The following TMEM132C variants were observed in gnomAD, a reference collection of about 807,000 sequenced individuals.
TMEM132C encodes the protein protein phosphatase 1, regulatory subunit 152.
Under a neutral mutation model 61.4 loss-of-function variants are expected in TMEM132C, and 29 were observed. That is an observed-to-expected ratio of 0.47 (90% CI 0.35 to 0.64). The LOEUF (loss-of-function observed/expected upper bound fraction) is 0.64. Ranked by LOEUF, TMEM132C falls within the 30% of genes least tolerant of loss-of-function variation. TMEM132C has a pLI of 0.00. For synonymous variants in TMEM132C, 656 were observed against 633.1 expected (o/e 1.04, Z -0.54); for missense variants, 1,408 against 1,476.9 (o/e 0.95, Z 0.76).
At chr12:128,567,073 A>C (rs2136167908) in intron 3 of TMEM132C, among the ~76,000 whole-genome samples, 1 of 152,238 alleles carries the variant, frequency 6.6e-6, no homozygotes, top group Non-Finnish European at 1.5e-5. Context: ...TTGAAGAGCA[A>C]ATTCAGCTTA....
At chr12:128,523,643 GA>G (rs2136129449) in intron 2 of TMEM132C, among the ~76,000 whole-genome samples, 1 of 151,982 alleles carries the variant, frequency 6.6e-6, no homozygotes, top group Admixed American at 6.6e-5. Context: ...AATGACCCTT[GA>G]AAAGGGATGT....
At chr12:128,660,902 G>T (rs537078825) in intron 4 of TMEM132C, among the ~76,000 whole-genome samples, 3 of 152,196 alleles carry the variant, frequency 2.0e-5, no homozygotes, top group Non-Finnish European at 4.4e-5. Context: ...GATGAGGAGG[G>T]AGGTAGGTAG....
At chr12:128,322,484 T>C (rs1487304163) in intron 1 of TMEM132C, among the ~76,000 whole-genome samples, 1 of 152,244 alleles carries the variant, frequency 6.6e-6, no homozygotes, top group African/African-American at 2.4e-5. Context: ...GACTACCTTC[T>C]TTCCAAACAC....
At chr12:128,426,270 T>C (rs915730018) in intron 2 of TMEM132C, among the ~76,000 whole-genome samples, 1 of 152,188 alleles carries the variant, frequency 6.6e-6, no homozygotes, top group African/African-American at 2.4e-5. Context: ...GGGAGCGAAG[T>C]TTTTTCTTAC....
intron 4 of TMEM132C, among the ~76,000 whole-genome samples, chr12:128,636,562 GTT>G (rs1491476475): frequency 5.4e-4 from 52 of 96,258 alleles, no homozygotes; most frequent in African/African-American, 1.9e-3. Flanking sequence ...TTGGGTTTTT[GTT>G]TGTGTGTGTG....
chr12:128,276,986 A>T (rs1382024237), intron 1 of TMEM132C, among the ~76,000 whole-genome samples: 1 of 152,174 alleles, frequency 6.6e-6, no homozygotes, highest in African/African-American at 2.4e-5. Flanking sequence ...AAACAAACAA[A>T]CAAAAAAGAA....
At chr12:128,458,277 ATATT>A (rs957610466) in intron 2 of TMEM132C, among the ~76,000 whole-genome samples, 2 of 109,208 alleles carry the variant, frequency 1.8e-5, no homozygotes, top group Middle Eastern at 4.6e-3. Context: ...TATAATTATA[ATATT>A]TAGTATTGTA....
chr12:128,502,040 A>G (rs1019315673), intron 2 of TMEM132C, among the ~76,000 whole-genome samples: 5 of 152,238 alleles, frequency 3.3e-5, no homozygotes, highest in African/African-American at 1.2e-4. Context: ...GAAGAAAGTC[A>G]TTCTATTTTA....
chr12:128,657,036 G>A (rs926212851), intron 4 of TMEM132C, among the ~76,000 whole-genome samples: 4 of 152,078 alleles, frequency 2.6e-5, no homozygotes, highest in African/African-American at 7.2e-5. Context: ...GAAACCAGAC[G>A]TGTGTTTCCT....
rs1312923149 is a variant in TMEM132C, at chr12:128,415,158, G to A, written c.512G>A (p.Arg171Lys). The A allele has an allele frequency of 6.2e-7, 1 of 1,611,030 alleles. No individual in the cohort carries two copies. Among genetic ancestry groups the A allele is most frequent in the Admixed American group, 1.7e-5 (1 of 59,774 alleles). ...GCCGGGGAGAAGCTGCCATGCCTGA[G>A]GGTCTTTGCTTTCCGAGAAACCAGA... ...HGAGEKLPCL[R>K]VFAFRETREV... Residue 171 changes from arginine to lysine, a missense_variant, in exon 2 of 9, where the codon AGG (arginine) becomes AAG (lysine). Transcript: ENST00000435159. The surrounding 1 kb of genome is among the most constrained non-coding windows in gnomAD (Gnocchi z 5.8).
intron 3 of TMEM132C, among the ~76,000 whole-genome samples, chr12:128,562,265 C>T (rs796678864): frequency 2.4e-4 from 37 of 152,176 alleles, no homozygotes; most frequent in African/African-American, 6.5e-4. Flanking sequence ...TTTTTAAAAG[C>T]GGTACGAAAA....
At chr12:128,528,714 A>G (rs896436686) in intron 2 of TMEM132C, among the ~76,000 whole-genome samples, 2 of 152,156 alleles carry the variant, frequency 1.3e-5, no homozygotes, top group Non-Finnish European at 2.9e-5. Context: ...GCTCTTACTC[A>G]TGATAACCAA....
intron 3 of TMEM132C, among the ~76,000 whole-genome samples, chr12:128,611,799 G>C (rs941255772): frequency 6.6e-6 from 1 of 152,160 alleles, no homozygotes; most frequent in African/African-American, 2.4e-5. Context: ...AGCTTCTCTA[G>C]GAAAATCTTC....
intron 1 of TMEM132C, among the ~76,000 whole-genome samples, chr12:128,413,542 T>G (rs1414123493): frequency 6.6e-6 from 1 of 151,876 alleles, no homozygotes. Context: ...TTATACTTGG[T>G]AATTTTTGTC....
intron 1 of TMEM132C, among the ~76,000 whole-genome samples, chr12:128,413,637 T>TATATAA (rs1868647882): frequency 6.6e-6 from 1 of 151,490 alleles, no homozygotes; most frequent in Admixed American, 6.6e-5. Context: ...TAAATATATA[T>TATATAA]ATATAAATAA....
At chr12:128,649,626 T>C (rs1413222378) in intron 4 of TMEM132C, among the ~76,000 whole-genome samples, 2 of 152,180 alleles carry the variant, frequency 1.3e-5, no homozygotes, top group Non-Finnish European at 2.9e-5. Context: ...TGATGCAAAA[T>C]ATTGCAAACA....
intron 4 of TMEM132C, among the ~76,000 whole-genome samples, chr12:128,638,020 T>C (rs1954116496): frequency 6.6e-6 from 1 of 152,212 alleles, no homozygotes; most frequent in South Asian, 2.1e-4. Flanking sequence ...TGCTTTCATT[T>C]TCTGCAAAAC....
chr12:128,268,584 G>A (rs1039010341), intron 1 of TMEM132C, among the ~76,000 whole-genome samples: 5 of 152,092 alleles, frequency 3.3e-5, no homozygotes, highest in African/African-American at 9.7e-5. Flanking sequence ...GAGCCTTCGC[G>A]CGGCGCCGCG....
At chr12:128,460,651 GT>G (rs201097177) in intron 2 of TMEM132C, among the ~76,000 whole-genome samples, 1,706 of 152,294 alleles carry the variant, frequency 0.011, 23 homozygotes, top group African/African-American at 0.039. Flanking sequence ...GAGAATGGGC[GT>G]TGGACAAGCC....
Sources: allele counts gnomAD v4.1 joint callset (sites outside exome capture counted in the v4.1 genomes callset), GRCh38; gene constraint gnomAD v4.1.1; non-coding constraint Gnocchi (gnomAD v3.1); transcripts MANE v1.5; gene names NCBI Gene and HGNC (gene_info 2026-07-23, HGNC 2026-07-21).